The following ZGPAT variants were observed in gnomAD, a reference collection of about 807,000 sequenced individuals.
ZGPAT encodes zinc finger CCCH-type and G-patch domain containing, also known as zinc finger CCCH-type with G patch domain-containing protein.
In ZGPAT, 39 loss-of-function variants were observed where a neutral mutation model predicts 47.9. The ratio of observed to expected loss-of-function variants is 0.81; its 90% CI spans 0.63 to 1.06. The LOEUF is 1.06. Among genes scored for constraint, ZGPAT ranks in the 50% least tolerant of loss-of-function variants. ZGPAT has a pLI of 0.00. For missense variants in ZGPAT, 717 were observed against 681.4 expected (o/e 1.05, Z -0.58); for synonymous variants, 348 against 292.9 (o/e 1.19, Z -1.92).
At chr20:63,710,229 C>T (rs868535452) in intron 2 of ZGPAT, among the ~76,000 whole-genome samples, 3 of 151,104 alleles carry the variant, frequency 2.0e-5, no homozygotes, top group Non-Finnish European at 2.9e-5. Flanking sequence ...TCTCAGCTTA[C>T]CGCAACCTCT....
intron 2 of ZGPAT, among the ~76,000 whole-genome samples, chr20:63,732,318 G>GTGTGTGT (rs2091915735): frequency 1.5e-5 from 2 of 130,854 alleles, no homozygotes; most frequent in South Asian, 5.5e-4. Flanking sequence ...TGGGTGAGGG[G>GTGTGTGT]GCATGTGTGT....
In ZGPAT at chr20:63,733,317, A is replaced by C; in HGVS notation, c.683A>C (p.His228Pro). 1.2e-6 allele frequency: 2 copies of C among 1,613,138 alleles called. No individual in the cohort carries two copies. The highest frequency in any genetic ancestry group is 1.7e-6 in the Non-Finnish European group (2 of 1,179,922). ...GCCGGCTCTGCGTGTCTGGCCAAGC[A>C]CCAGGATGGCCTCTGGCACGCAGCA... The part of the protein sequence containing the change: ...LQAGSACLAK[H>P]QDGLWHAARI... Residue 228 changes from histidine to proline, a missense_variant, in exon 3 of 7, where the codon CAC becomes CCC. Coordinates refer to ENST00000355969, the MANE Select transcript of ZGPAT (RefSeq NM_181485.3).
At chr20:63,727,445 T>C (rs1365392294) in intron 2 of ZGPAT, among the ~76,000 whole-genome samples, 1 of 151,902 alleles carries the variant, frequency 6.6e-6, no homozygotes, top group Non-Finnish European at 1.5e-5. Context: ...TTTCTCAATA[T>C]TGGTCAGGCT....
intron 2 of ZGPAT, among the ~76,000 whole-genome samples, chr20:63,730,703 C>T (rs982789751): frequency 6.6e-6 from 1 of 152,118 alleles, no homozygotes. Flanking sequence ...AAGCTAGTCT[C>T]GAACTCCTGA....
chr20:63,711,799 G>A (rs777025554), intron 2 of ZGPAT, among the ~76,000 whole-genome samples: 3 of 152,076 alleles, frequency 2.0e-5, no homozygotes, highest in African/African-American at 4.8e-5. Flanking sequence ...TGTTGGCCAG[G>A]CTGGTCTCGA....
intron 2 of ZGPAT, 34 bp from the exon 3 acceptor site, chr20:63,733,185 G>A: frequency 1.9e-6 from 3 of 1,603,658 alleles, no homozygotes; most frequent in African/African-American, 2.7e-5. Context: ...GGTGGCCCAT[G>A]TCTGAGCCCT....
chr20:63,716,788 T>G (rs1024760788), intron 2 of ZGPAT, among the ~76,000 whole-genome samples: 2 of 152,136 alleles, frequency 1.3e-5, no homozygotes, highest in African/African-American at 4.8e-5. Context: ...TTCCAGCAAT[T>G]CTCCTGCCTC....
Position 63,735,363 on chromosome 20 carries a change from A to T in ZGPAT, c.1196A>T (p.Asn399Ile). ...PAPRNVFDFL[N>I]EKLQGQAPGA... Reference sequence around the variant, plus strand: ...CCTCGGAATGTGTTTGACTTCCTCAATGAAAAGCTGCAAGGTCAGGCTCCT... The same window carrying T: ...CCTCGGAATGTGTTTGACTTCCTCATTGAAAAGCTGCAAGGTCAGGCTCCT... Residue 399 changes from asparagine (N) to isoleucine (I), a missense_variant, in exon 6 of 7, where the codon AAT (asparagine) becomes ATT (isoleucine). Asn to Ile is a moderately radical substitution (Grantham distance 149, BLOSUM62 -3). Transcript: ENST00000355969. 1 of 1,545,928 alleles carries T rather than the reference A, an allele frequency of 6.5e-7. No individual in the cohort carries two copies. The highest frequency in any genetic ancestry group is 8.7e-7 in the Non-Finnish European group (1 of 1,149,934).
intron 2 of ZGPAT, among the ~76,000 whole-genome samples, chr20:63,721,358 A>T (rs1457837081): frequency 1.3e-5 from 2 of 149,098 alleles, no homozygotes; most frequent in African/African-American, 4.9e-5. Context: ...TCTCAAATAA[A>T]AAAAAAAAAA....
At chr20:63,727,356 T>G (rs2091855912) in intron 2 of ZGPAT, among the ~76,000 whole-genome samples, 1 of 151,878 alleles carries the variant, frequency 6.6e-6, no homozygotes. Flanking sequence ...GTTCTCCTGT[T>G]TTAGCCTCCC....
Position 63,735,373 on chromosome 20 carries a change from G to A in ZGPAT, c.1206G>A (p.Leu402=), listed in dbSNP as rs754999116. Residue 402 remains leucine, a synonymous_variant, in exon 6 of 7, where the codon CTG becomes CTA. Coordinates refer to ENST00000355969, the MANE Select transcript of ZGPAT (RefSeq NM_181485.3). The part of the protein sequence containing the change: ...RNVFDFLNEK[L]QGQAPGALEA... Reference sequence around the variant, plus strand: ...TGTTTGACTTCCTCAATGAAAAGCTGCAAGGTCAGGCTCCTGGGGCCCTAG... The same window carrying A: ...TGTTTGACTTCCTCAATGAAAAGCTACAAGGTCAGGCTCCTGGGGCCCTAG... 5 of 1,551,934 alleles carry A rather than the reference G, an allele frequency of 3.2e-6. No homozygotes were observed. The African/African-American group carries it at 5.5e-5, about 17-fold the overall frequency.
chr20:63,708,740 C>T lies in ZGPAT; in HGVS notation c.160C>T (p.Leu54=), dbSNP rs375314362. The T allele has an allele frequency of 2.5e-6, 4 of 1,612,496 alleles. No individual in the cohort carries two copies. The highest frequency in any genetic ancestry group is 1.7e-5 in the Admixed American group (1 of 59,994). ...GCTCATCGAGCTCACCGAGGCCAGC[C>T]TGGTGTCTGTCAGGAAGAGCAGCTT... The part of the protein sequence containing the change: ...KELIELTEAS[L]VSVRKSSLLA... Residue 54 remains leucine, a synonymous_variant, in exon 2 of 7, where the codon CTG becomes TTG. Coordinates refer to ENST00000355969, the MANE Select transcript of ZGPAT (RefSeq NM_181485.3).
At chr20:63,729,019 A>AT (rs1320367796) in intron 2 of ZGPAT, among the ~76,000 whole-genome samples, 3 of 146,028 alleles carry the variant, frequency 2.1e-5, no homozygotes, top group African/African-American at 5.1e-5. Context: ...GTTTTAGATT[A>AT]TTTTTTCTTT....
At chr20:63,732,842 G>T (rs1434464868) in intron 2 of ZGPAT, among the ~76,000 whole-genome samples, 1 of 151,996 alleles carries the variant, frequency 6.6e-6, no homozygotes, top group Non-Finnish European at 1.5e-5. Context: ...CTGTGTGAGT[G>T]CATGTGTGTG....
At chr20:63,718,150 G>C (rs1477687399) in intron 2 of ZGPAT, among the ~76,000 whole-genome samples, 1 of 152,096 alleles carries the variant, frequency 6.6e-6, no homozygotes, top group Non-Finnish European at 1.5e-5. Context: ...GCCTCCCAAA[G>C]TGCTGAGATT....
intron 2 of ZGPAT, among the ~76,000 whole-genome samples, 196 bp from the exon 3 acceptor site, chr20:63,733,019 TGTGC>T (rs1415343733): frequency 1.3e-5 from 2 of 151,706 alleles, no homozygotes; most frequent in African/African-American, 4.8e-5. Context: ...TGTGTGTATG[TGTGC>T]GTGAGTGTGT....
chr20:63,714,585 C>T lies in ZGPAT; in HGVS notation c.584+5421C>T, dbSNP rs1010434428. Among the ~76,000 whole-genome samples the T allele has an allele frequency of 4.0e-5, 6 of 151,860 alleles. No homozygotes were observed. The East Asian group carries it at 7.7e-4, about 19-fold the overall frequency. On this transcript the variant is annotated intron_variant, in intron 2 of 6. Transcript: ENST00000355969. The stretch of plus-strand genomic sequence containing the variant: ...TAGGTTTTCTGTAGATTCCCTTTAT[C>T]GAGTTGAGGAAATTCTCTTATATTC...
intron 2 of ZGPAT, among the ~76,000 whole-genome samples, chr20:63,729,432 C>G (rs2091875505): frequency 6.6e-6 from 1 of 152,196 alleles, no homozygotes; most frequent in South Asian, 2.1e-4. Flanking sequence ...TTTACTAATT[C>G]TGGAATGTAT....
intron 2 of ZGPAT, among the ~76,000 whole-genome samples, chr20:63,722,461 A>G (rs764494975): frequency 2.0e-5 from 3 of 152,152 alleles, no homozygotes; most frequent in Non-Finnish European, 2.9e-5. Flanking sequence ...GCTTTGCTGG[A>G]GAGACGGATC....
Sources: gnomAD v4.1 joint callset for allele counts (sites outside exome capture counted in the v4.1 genomes callset) on GRCh38, gnomAD v4.1.1 for gene constraint, MANE v1.5 for transcripts, NCBI Gene and HGNC (gene_info 2026-07-23, HGNC 2026-07-21) for gene names.